Variants in ZMAT4 observed in about 807,000 individuals in gnomAD.
The protein encoded by ZMAT4 is zinc finger matrin-type 4.
A neutral mutation model predicts 28.7 loss-of-function variants in ZMAT4; 17 were observed. The ratio of observed to expected loss-of-function variants is 0.59; its 90% CI spans 0.41 to 0.89. ZMAT4 has a LOEUF of 0.89. ZMAT4 is among the 40% of genes least tolerant of loss of function. The pLI, the probability that ZMAT4 is intolerant of heterozygous loss-of-function variation, is 0.00. For missense variants in ZMAT4, 240 were observed against 283.8 expected (o/e 0.85, Z 1.11); for synonymous variants, 117 against 109.2 (o/e 1.07, Z -0.44).
intron 2 of ZMAT4, among the ~76,000 whole-genome samples, chr8:40,808,216 A>G (rs978336310): frequency 6.6e-6 from 1 of 152,066 alleles, no homozygotes; most frequent in Non-Finnish European, 1.5e-5. Context: ...CAAAATAAAA[A>G]GGATACACTA....
intron 5 of ZMAT4, among the ~76,000 whole-genome samples, chr8:40,674,080 C>CTTTTTTTTTTTT (rs59753899): frequency 1.0e-4 from 11 of 107,246 alleles, no homozygotes; most frequent in East Asian, 6.4e-4. Flanking sequence ...TTTTTATCAT[C>CTTTTTTTTTTTT]TTTTTTTTTT....
intron 3 of ZMAT4, among the ~76,000 whole-genome samples, chr8:40,746,726 C>G (rs955468660): frequency 1.3e-5 from 2 of 152,104 alleles, no homozygotes; most frequent in African/African-American, 2.4e-5. Flanking sequence ...TATTGTCACT[C>G]CTTCCCTAAA....
At chr8:40,859,670 T>G (rs1817422863) in intron 1 of ZMAT4, among the ~76,000 whole-genome samples, 1 of 152,340 alleles carries the variant, frequency 6.6e-6, no homozygotes, top group Non-Finnish European at 1.5e-5. Flanking sequence ...ATGCTGTGTG[T>G]GCACGTGAGA....
chr8:40,649,963 G>A (rs377636424), intron 5 of ZMAT4, among the ~76,000 whole-genome samples: 1 of 151,680 alleles, frequency 6.6e-6, no homozygotes, highest in African/African-American at 2.4e-5. Context: ...AATGCCCACA[G>A]GAGAAAGCAG....
chr8:40,794,675 C>A (rs1814507785), intron 2 of ZMAT4, among the ~76,000 whole-genome samples: 1 of 152,176 alleles, frequency 6.6e-6, no homozygotes, highest in South Asian at 2.1e-4. Context: ...GTGAGACACA[C>A]ACAGTCCCGC....
At chr8:40,653,915 T>C (rs193000647) in intron 5 of ZMAT4, among the ~76,000 whole-genome samples, 168 of 152,306 alleles carry the variant, frequency 1.1e-3, no homozygotes, top group African/African-American at 3.8e-3. Context: ...ACTCTATAAG[T>C]TGCTGTCATA....
chr8:40,650,460 G>C lies in ZMAT4; in HGVS notation c.577+24244C>G, dbSNP rs959686391. Among the ~76,000 whole-genome samples, 62 of 113,534 alleles carry C rather than the reference G, an allele frequency of 5.5e-4. 1 individual carries two copies. The highest frequency in any genetic ancestry group is 1.6e-3 in the African/African-American group (55 of 34,802). 74.5% of individuals were successfully genotyped at this position (113,534 alleles called of 152,430 possible). On this transcript the variant is annotated intron_variant, in intron 5 of 6. Transcript: ENST00000297737. ...TAGCTTACCAACCAAAAAGAGTCCA[G>C]GACCAGATGGATTCACAGCTGAATT...
chr8:40,607,660 T>C (rs1255694270), intron 5 of ZMAT4, among the ~76,000 whole-genome samples: 3 of 152,168 alleles, frequency 2.0e-5, no homozygotes, highest in East Asian at 1.9e-4. Flanking sequence ...GGGTAGACTA[T>C]GTCCAAGGGA....
intron 5 of ZMAT4, among the ~76,000 whole-genome samples, chr8:40,648,440 A>G (rs1193739116): frequency 1.3e-5 from 2 of 151,310 alleles, no homozygotes; most frequent in Non-Finnish European, 2.9e-5. Flanking sequence ...GACCAAATCT[A>G]CGTCTGATTG....
At chr8:40,701,390 C>T (rs1810137071) in intron 3 of ZMAT4, among the ~76,000 whole-genome samples, 1 of 151,480 alleles carries the variant, frequency 6.6e-6, no homozygotes, top group African/African-American at 2.4e-5. Context: ...TTCATGCCAA[C>T]AGTACACACT....
intron 5 of ZMAT4, among the ~76,000 whole-genome samples, chr8:40,617,441 G>C (rs1014831934): frequency 6.6e-6 from 1 of 152,134 alleles, no homozygotes; most frequent in African/African-American, 2.4e-5. Context: ...TCACCTAAAC[G>C]TAATACAGAA....
chr8:40,631,257 C>T (rs114494563), intron 5 of ZMAT4, among the ~76,000 whole-genome samples: 1 of 152,292 alleles, frequency 6.6e-6, no homozygotes, highest in African/African-American at 2.4e-5. Context: ...ACTGCAACCT[C>T]TGCAATTCTC....
At chr8:40,804,963 T>C (rs1235131020) in intron 2 of ZMAT4, among the ~76,000 whole-genome samples, 1 of 151,650 alleles carries the variant, frequency 6.6e-6, no homozygotes, top group Non-Finnish European at 1.5e-5. Context: ...AAAAAAAAAT[T>C]CTAGAGCTTC....
At chr8:40,866,091 C>T (rs1444338748) in intron 1 of ZMAT4, among the ~76,000 whole-genome samples, 1 of 152,188 alleles carries the variant, frequency 6.6e-6, no homozygotes, top group Non-Finnish European at 1.5e-5. Flanking sequence ...TCCGAAAATA[C>T]ACTATCACCA....
chr8:40,695,226 C>T, intron 4 of ZMAT4, among the ~76,000 whole-genome samples: 1 of 152,338 alleles, frequency 6.6e-6, no homozygotes, highest in Non-Finnish European at 1.5e-5. Context: ...TGCCTCATGT[C>T]TGACTACTTG....
intron 1 of ZMAT4, among the ~76,000 whole-genome samples, chr8:40,896,253 T>C (rs1274427714): frequency 6.6e-6 from 1 of 152,190 alleles, no homozygotes; most frequent in Non-Finnish European, 1.5e-5. Context: ...CATCTGCATC[T>C]CCGTGGAAGG....
At chr8:40,731,606 A>C (rs1585957348) in intron 3 of ZMAT4, among the ~76,000 whole-genome samples, 1 of 152,346 alleles carries the variant, frequency 6.6e-6, no homozygotes, top group East Asian at 1.9e-4. Context: ...TAAATCAGTA[A>C]ATCAGCAGAA....
rs1818478519 is a variant in ZMAT4, at chr8:40,887,022, T to C, written c.-5+10661A>G. 3.3e-5 allele frequency among the ~76,000 whole-genome samples: 5 copies of C among 151,748 alleles called. No individual in the cohort carries two copies. The South Asian group carries it at 1.0e-3, about 32-fold the overall frequency. ...CCGTCTCTACTAAAAATACAAAAAA[T>C]TAACCTGGCGTGGTGGCGGGCGCCT... On this transcript the variant is annotated intron_variant, in intron 1 of 6. Coordinates refer to ENST00000297737, the MANE Select transcript of ZMAT4 (RefSeq NM_024645.3).
At chr8:40,680,848 A>G (rs1160994130) in intron 4 of ZMAT4, among the ~76,000 whole-genome samples, 1 of 151,362 alleles carries the variant, frequency 6.6e-6, no homozygotes, top group East Asian at 1.9e-4. Context: ...CTCATGCTTA[A>G]TGCTTTCTAG....
Sources: allele counts gnomAD v4.1 joint callset (sites outside exome capture counted in the v4.1 genomes callset), GRCh38; gene constraint gnomAD v4.1.1; transcripts MANE v1.5; gene names NCBI Gene and HGNC (gene_info 2026-07-23, HGNC 2026-07-21).